Variants in ADAMTS14 observed in about 807,000 individuals in gnomAD.
ADAMTS14 encodes the protein ADAM metallopeptidase with thrombospondin type 1 motif 14, also known as A disintegrin and metalloproteinase with thrombospondin motifs 14.
ADAMTS14 carries 100 observed loss-of-function variants against 128.6 expected under a neutral mutation model. The observed-to-expected ratio is 0.78, with a 90% confidence interval of 0.66 to 0.92. The LOEUF (loss-of-function observed/expected upper bound fraction) is 0.92. ADAMTS14 is among the 40% of genes least tolerant of loss of function. The pLI, the probability that ADAMTS14 is intolerant of heterozygous loss-of-function variation, is 0.00. For synonymous variants in ADAMTS14, 665 were observed against 653.8 expected, an observed-to-expected ratio of 1.02 and a Z score of -0.26; for missense variants, 1,562 against 1,658.6, an observed-to-expected ratio of 0.94 and a Z score of 1.01.
intron 3 of ADAMTS14, among the ~76,000 whole-genome samples, chr10:70,707,874 T>A (rs528147494): frequency 5.9e-5 from 9 of 152,220 alleles, no homozygotes; most frequent in Admixed American, 1.3e-4. Flanking sequence ...ACTCACAGTC[T>A]CATCTGCGAC....
intron 4 of ADAMTS14, among the ~76,000 whole-genome samples, chr10:70,725,922 C>A (rs1589302931): frequency 6.6e-6 from 1 of 152,164 alleles, no homozygotes; most frequent in East Asian, 1.9e-4. Context: ...CTTCCCTGAG[C>A]CCTCCTGCCC....
At chr10:70,694,152 G>A (rs1394794079) in intron 2 of ADAMTS14, among the ~76,000 whole-genome samples, 6 of 152,196 alleles carry the variant, frequency 3.9e-5, no homozygotes, top group African/African-American at 7.2e-5. Context: ...TCTCAGCGTC[G>A]GCAGGCTTTC....
Position 70,749,880 on chromosome 10 carries a change from A to C in ADAMTS14, c.2322A>C (p.Thr774=). The C allele has an allele frequency of 3.1e-6, 5 of 1,614,144 alleles. No individual in the cohort carries two copies. Among genetic ancestry groups the C allele is most frequent in the Non-Finnish European group, 4.2e-6 (5 of 1,180,012 alleles). The change falls in exon 16 of 22, where the codon ACA becomes ACC. Residue 774 remains threonine, a synonymous_variant. Coordinates refer to ENST00000373207, the MANE Select transcript of ADAMTS14 (RefSeq NM_080722.4). ...TCAACCCCAAGGGCAAGGAAGCCAC[A>C]AGCCGGACCTTCACCGCCATGGGCC... The part of the protein sequence containing the change: ...FILNPKGKEA[T]SRTFTAMGLE...
At chr10:70,739,502 C>T (rs187836362) in intron 11 of ADAMTS14, among the ~76,000 whole-genome samples, 1 of 152,138 alleles carries the variant, frequency 6.6e-6, no homozygotes, top group Admixed American at 6.5e-5. Context: ...CTCATCCCCT[C>T]TATAGGGACC....
In ADAMTS14 at chr10:70,674,985, G is replaced by C. The variant is rs1439938805; in HGVS notation, c.512G>C (p.Cys171Ser). 6.2e-7 allele frequency: 1 copy of C among 1,612,210 alleles called. No homozygotes were observed. The highest frequency in any genetic ancestry group is 8.5e-7 in the Non-Finnish European group (1 of 1,179,918). ...GGGGCAGCTGTTGCCATCAGCAACT[G>C]TGACGGATTGGTAAGGGATGAGACT... ...MPGAAVAISN[C>S]DGLAGLIRTD... is the part of the protein sequence containing the mutation. Residue 171 changes from cysteine to serine, a missense_variant, in exon 2 of 22, where the codon TGT (cysteine) becomes TCT (serine). By Grantham distance (112) the Cys-to-Ser change is moderately radical (BLOSUM62 -1). Coordinates refer to ENST00000373207, the MANE Select transcript of ADAMTS14 (RefSeq NM_080722.4).
intron 6 of ADAMTS14, among the ~76,000 whole-genome samples, chr10:70,730,490 G>A (rs1841602199): frequency 6.6e-6 from 1 of 152,204 alleles, no homozygotes; most frequent in African/African-American, 2.4e-5. Flanking sequence ...GAGTGGTCAG[G>A]CCCTGGGTCC....
chr10:70,687,218 C>T (rs1311430996), intron 2 of ADAMTS14, among the ~76,000 whole-genome samples: 1 of 100,312 alleles, frequency 1.0e-5, no homozygotes, highest in Non-Finnish European at 2.3e-5. Context: ...CCGGACGGGG[C>T]GGCTGGCTGG....
chr10:70,754,200 T>A (rs1372567741), intron 19 of ADAMTS14, among the ~76,000 whole-genome samples, 193 bp downstream of exon 19: 1 of 152,240 alleles, frequency 6.6e-6, no homozygotes, highest in Non-Finnish European at 1.5e-5. Context: ...GTTCATTCAT[T>A]CCTGCCAGTA....
chr10:70,699,622 G>C (rs1420495449), intron 2 of ADAMTS14, among the ~76,000 whole-genome samples: 1 of 152,138 alleles, frequency 6.6e-6, no homozygotes, highest in Non-Finnish European at 1.5e-5. Flanking sequence ...GAGGGGGTGG[G>C]CTGGAAGGCA....
intron 15 of ADAMTS14, among the ~76,000 whole-genome samples, chr10:70,747,967 G>A (rs1172357299): frequency 1.3e-5 from 2 of 152,152 alleles, no homozygotes; most frequent in Non-Finnish European, 2.9e-5. Context: ...TGGCGATGAA[G>A]GGAGAGGCTC....
At chr10:70,701,043 A>T (rs748164) in intron 2 of ADAMTS14, among the ~76,000 whole-genome samples, 25,039 of 152,190 alleles carry the variant, frequency 0.16, 2,616 homozygotes, top group Middle Eastern at 0.24. Context: ...GGGCCTGTTT[A>T]TGAAGCACAG....
At chr10:70,724,783 CT>C (rs1407128560) in intron 4 of ADAMTS14, among the ~76,000 whole-genome samples, 3 of 150,648 alleles carry the variant, frequency 2.0e-5, no homozygotes, top group South Asian at 2.1e-4. Context: ...CTAACTCCAC[CT>C]TTTTTTTTAA....
chr10:70,682,958 G>A (rs1044781698), intron 2 of ADAMTS14, among the ~76,000 whole-genome samples: 4 of 152,256 alleles, frequency 2.6e-5, no homozygotes, highest in Non-Finnish European at 5.9e-5. Context: ...CCGTCTGGGT[G>A]AGGAGGCATA....
At chr10:70,735,495 T>C (rs899591004) in intron 9 of ADAMTS14, among the ~76,000 whole-genome samples, 194 bp downstream of exon 9, 1 of 152,172 alleles carries the variant, frequency 6.6e-6, no homozygotes, top group African/African-American at 2.4e-5. Context: ...CACAGTGGCT[T>C]GGGAATGCAT....
At chr10:70,682,084 G>A (rs566609403) in intron 2 of ADAMTS14, among the ~76,000 whole-genome samples, 20 of 152,292 alleles carry the variant, frequency 1.3e-4, no homozygotes, top group African/African-American at 4.8e-4. Flanking sequence ...TCAACTACCA[G>A]TTCCTAGAAA....
chr10:70,759,939 G>C (rs1365020137), intron 21 of ADAMTS14, among the ~76,000 whole-genome samples: 1 of 152,228 alleles, frequency 6.6e-6, no homozygotes, highest in African/African-American at 2.4e-5. Flanking sequence ...GTGTGCAGCA[G>C]GGCTGAGGGC....
chr10:70,716,820 G>T (rs538460250), intron 4 of ADAMTS14, among the ~76,000 whole-genome samples: 1 of 152,290 alleles, frequency 6.6e-6, no homozygotes, highest in African/African-American at 2.4e-5. Flanking sequence ...AGCACCCAAA[G>T]TTATCTGACA....
chr10:70,735,175 C>T lies in ADAMTS14; in HGVS notation c.1359C>T (p.Tyr453=), dbSNP rs367637583. 2.8e-5 allele frequency: 45 copies of T among 1,612,890 alleles called. No individual in the cohort carries two copies. Among genetic ancestry groups the T allele is most frequent in the Admixed American group, 1.8e-4 (11 of 59,922 alleles). The change falls in exon 9 of 22, where the codon TAC becomes TAT. Residue 453 remains tyrosine, a synonymous_variant. Coordinates refer to ENST00000373207, the MANE Select transcript of ADAMTS14 (RefSeq NM_080722.4). The part of the protein sequence containing the change: ...KLELSRYLPS[Y]DCLLDDPFDP... ...TCCTTGTCTCTACTGGCAGCTCCTA[C>T]GACTGCCTCCTCGATGACCCCTTTG... is the stretch of plus-strand genomic sequence containing the variant.
intron 18 of ADAMTS14, among the ~76,000 whole-genome samples, chr10:70,752,536 T>G (rs1842380056): frequency 6.6e-6 from 1 of 152,076 alleles, no homozygotes; most frequent in African/African-American, 2.4e-5. Flanking sequence ...GACCTTGGGA[T>G]TATTTAGGGG....
Sources: gnomAD v4.1 joint callset for allele counts (sites outside exome capture counted in the v4.1 genomes callset) on GRCh38, gnomAD v4.1.1 for gene constraint, MANE v1.5 for transcripts, NCBI Gene and HGNC (gene_info 2026-07-23, HGNC 2026-07-21) for gene names.